Variants in PLA2G4E observed in about 807,000 individuals in gnomAD.
PLA2G4E encodes phospholipase A2 group IVE, also known as cytosolic phospholipase A2 epsilon.
PLA2G4E carries 84 observed loss-of-function variants against 109.1 expected under a neutral mutation model. That is an observed-to-expected ratio of 0.77 (90% confidence interval 0.65 to 0.92). The LOEUF (loss-of-function observed/expected upper bound fraction) is 0.92. Among genes scored for constraint, PLA2G4E ranks in the 40% least tolerant of loss-of-function variants. PLA2G4E has a pLI of 0.00. For synonymous variants in PLA2G4E, 469 were observed against 436.1 expected (o/e 1.08, Z -0.94); for missense variants, 1,057 against 1,076.6 (o/e 0.98, Z 0.25).
intron 1 of PLA2G4E, among the ~76,000 whole-genome samples, chr15:42,048,587 G>A (rs999805537): frequency 6.6e-6 from 1 of 152,248 alleles, no homozygotes; most frequent in African/African-American, 2.4e-5. Context: ...CACTGTGACA[G>A]GCATGGGGAT....
intron 1 of PLA2G4E, among the ~76,000 whole-genome samples, chr15:42,022,674 GT>G (rs2068658876): frequency 6.6e-6 from 1 of 152,136 alleles, no homozygotes; most frequent in African/African-American, 2.4e-5. Context: ...CAGGAGGTGG[GT>G]TTCAGGTGGT....
intron 1 of PLA2G4E, among the ~76,000 whole-genome samples, chr15:42,048,374 T>C (rs1322566893): frequency 6.6e-6 from 1 of 152,256 alleles, no homozygotes; most frequent in African/African-American, 2.4e-5. Context: ...GTTATCGTAT[T>C]GGGTTAATGG....
At chr15:42,045,592 A>T (rs1349088548) in intron 1 of PLA2G4E, among the ~76,000 whole-genome samples, 2 of 152,130 alleles carry the variant, frequency 1.3e-5, no homozygotes, top group East Asian at 3.8e-4. Flanking sequence ...TTATGGAAAA[A>T]GTCTCTTGGC....
Position 42,026,430 on chromosome 15 carries a change from A to G in PLA2G4E, c.184-12673T>C, listed in dbSNP as rs542081958. On this transcript the variant is annotated intron_variant, in intron 1 of 19. Coordinates refer to ENST00000399518, the Ensembl canonical transcript of PLA2G4E. ...AAAAGGCAGGCTGTAAAAAATTAAC[A>G]CAGGGAAAAGCCAGGAAATGCAAAT... Among the ~76,000 whole-genome samples, 21 of 152,374 alleles carry G rather than the reference A, an allele frequency of 1.4e-4. No individual in the cohort carries two copies. The South Asian group carries it at 4.3e-3, about 32-fold the overall frequency.
At chr15:42,000,249 A>T in exon 8 of PLA2G4E, 1 of 1,578,390 alleles carries the variant, frequency 6.3e-7, no homozygotes, top group Non-Finnish European at 8.6e-7. Context: ...GGTGTTCTCA[A>T]AGGATTCGTT....
intron 14 of PLA2G4E, 86 bp from the exon 15 acceptor site, chr15:41,989,638 G>C: frequency 6.6e-7 from 1 of 1,508,210 alleles, no homozygotes; most frequent in Non-Finnish European, 8.9e-7. Flanking sequence ...TGCAGCCACT[G>C]GCTCAGGCCT....
chr15:42,005,729 T>G (rs2068468950), intron 4 of PLA2G4E, among the ~76,000 whole-genome samples: 1 of 152,238 alleles, frequency 6.6e-6, no homozygotes, highest in Admixed American at 6.5e-5. Flanking sequence ...TGAATTATGG[T>G]TTCTCATTTA....
chr15:41,984,048 C>A, intron 19 of PLA2G4E, 74 bp from the exon 20 acceptor site: 1 of 1,351,004 alleles, frequency 7.4e-7, no homozygotes, highest in Non-Finnish European at 1.0e-6. Flanking sequence ...CATCTCTCCC[C>A]AAGGCCCACC....
chr15:42,046,520 G>A (rs72727719), intron 1 of PLA2G4E, among the ~76,000 whole-genome samples: 11,601 of 152,234 alleles, frequency 0.076, 445 homozygotes, highest in South Asian at 0.13. Flanking sequence ...TCGGATCTTA[G>A]TTCAAATGTC....
At chr15:41,988,476 T>C (rs1001864814) in intron 15 of PLA2G4E, among the ~76,000 whole-genome samples, 2 of 152,136 alleles carry the variant, frequency 1.3e-5, no homozygotes, top group Non-Finnish European at 2.9e-5. Flanking sequence ...AGTGAATACA[T>C]CTAAAGCATT....
intron 3 of PLA2G4E, among the ~76,000 whole-genome samples, chr15:42,007,312 T>C (rs376901419): frequency 6.6e-6 from 1 of 151,814 alleles, no homozygotes; most frequent in African/African-American, 2.4e-5. Flanking sequence ...CCCAAAGAAA[T>C]GGAAATAATA....
intron 5 of PLA2G4E, among the ~76,000 whole-genome samples, chr15:42,004,143 A>G (rs2068448845): frequency 6.6e-6 from 1 of 152,074 alleles, no homozygotes; most frequent in African/African-American, 2.4e-5. Flanking sequence ...CTCTACTAAA[A>G]ATACAAGAAT....
rs368808240 is a variant in PLA2G4E, at chr15:42,000,097, C to A, written c.852+7G>T. ...CCACACCTCCCCCAGTGTCAGCCGC[C>A]TTGTACCCCACAGCTCCAGTGACTC... On this transcript the variant is annotated splice_region_variant and intron_variant, in intron 8 of 19. Coordinates refer to ENST00000399518, the Ensembl canonical transcript of PLA2G4E. The A allele has an allele frequency of 2.9e-4, 451 of 1,581,730 alleles. 1 individual carries two copies. Among genetic ancestry groups the A allele is most frequent in the Non-Finnish European group, 3.7e-4 (436 of 1,163,666 alleles).
At chr15:42,020,816 A>G (rs1167312387) in intron 1 of PLA2G4E, among the ~76,000 whole-genome samples, 119 bp downstream of exon 1, 1 of 152,102 alleles carries the variant, frequency 6.6e-6, no homozygotes, top group African/African-American at 2.4e-5. Flanking sequence ...TCCAATGCCT[A>G]CCAGCCCTCC....
intron 5 of PLA2G4E, 145 bp from the exon 6 acceptor site, chr15:42,002,841 A>T: frequency 1.3e-6 from 1 of 797,598 alleles, no homozygotes; most frequent in East Asian, 2.7e-5. Context: ...CGGAAACCTT[A>T]GCCTTATAGG....
chr15:42,010,017 A>G, intron 2 of PLA2G4E: 1 of 421,632 alleles, frequency 2.4e-6, no homozygotes, highest in South Asian at 2.1e-5. Flanking sequence ...GTACAGATAC[A>G]TCACTGCAGA....
chr15:42,044,228 C>T (rs771539330), intron 1 of PLA2G4E, among the ~76,000 whole-genome samples: 3 of 152,152 alleles, frequency 2.0e-5, no homozygotes, highest in Non-Finnish European at 2.9e-5. Context: ...CTACGAAAGA[C>T]GGGAACGGAT....
intron 1 of PLA2G4E, among the ~76,000 whole-genome samples, 52 bp downstream of exon 1, chr15:42,020,883 G>T (rs2068642058): frequency 6.6e-6 from 1 of 151,984 alleles, no homozygotes; most frequent in Admixed American, 6.6e-5. Flanking sequence ...TCCTGGCCAT[G>T]CCTCCCTGGC....
At chr15:41,988,675 C>A (rs2068190845) in intron 15 of PLA2G4E, among the ~76,000 whole-genome samples, 1 of 152,236 alleles carries the variant, frequency 6.6e-6, no homozygotes, top group African/African-American at 2.4e-5. Flanking sequence ...CAACTTTACA[C>A]AGCTAGTGAG....
Sources: gnomAD v4.1 joint callset for allele counts (sites outside exome capture counted in the v4.1 genomes callset) on GRCh38, gnomAD v4.1.1 for gene constraint, MANE v1.5 for transcripts, NCBI Gene and HGNC (gene_info 2026-07-23, HGNC 2026-07-21) for gene names.